The following HIBADH variants were observed in gnomAD, a reference collection of about 807,000 sequenced individuals.
HIBADH encodes the protein 3-hydroxyisobutyrate dehydrogenase.
A neutral mutation model predicts 36.1 loss-of-function variants in HIBADH; 25 were observed. That is an observed-to-expected ratio of 0.69 (90% CI 0.50 to 0.97). The LOEUF is 0.97. Ranked by LOEUF, HIBADH falls within the 50% of genes least tolerant of loss-of-function variation. The pLI is 0.00. For missense variants in HIBADH, 421 were observed against 418.0 expected (o/e 1.01, Z -0.06); for synonymous variants, 160 against 149.5 (o/e 1.07, Z -0.51).
At chr7:27,562,047 A>T (rs959138657) in intron 4 of HIBADH, among the ~76,000 whole-genome samples, 1 of 152,106 alleles carries the variant, frequency 6.6e-6, no homozygotes, top group Admixed American at 6.5e-5. Context: ...AGTTTTCAAA[A>T]ATCCAACATG....
chr7:27,526,454 A>G, intron 7 of HIBADH, 82 bp from the exon 8 acceptor site: 1 of 1,080,780 alleles, frequency 9.3e-7, no homozygotes, highest in South Asian at 2.6e-5. Flanking sequence ...TTTTGGTTTG[A>G]AAGAAGGAAA....
At chr7:27,568,888 G>A (rs1784585587) in intron 4 of HIBADH, among the ~76,000 whole-genome samples, 1 of 150,872 alleles carries the variant, frequency 6.6e-6, no homozygotes, top group Non-Finnish European at 1.5e-5. Flanking sequence ...CACTAAACTT[G>A]GGAAGCTTTC....
chr7:27,607,062 C>T (rs904684962), intron 4 of HIBADH, among the ~76,000 whole-genome samples: 20 of 152,118 alleles, frequency 1.3e-4, no homozygotes, highest in Non-Finnish European at 2.9e-4. Flanking sequence ...TCCAGTGTTG[C>T]TCTATTTCCT....
At chr7:27,616,458 G>GT (rs1033612120) in intron 4 of HIBADH, among the ~76,000 whole-genome samples, 14 of 151,836 alleles carry the variant, frequency 9.2e-5, no homozygotes, top group African/African-American at 1.2e-4. Flanking sequence ...TGTCTTCGTT[G>GT]TTTTTTTTGT....
chr7:27,603,994 G>A (rs1785175714), intron 4 of HIBADH, among the ~76,000 whole-genome samples: 1 of 151,934 alleles, frequency 6.6e-6, no homozygotes, highest in Admixed American at 6.6e-5. Context: ...AGATCATTTA[G>A]GCCAGTGGTA....
At chr7:27,606,274 T>C (rs1392141650) in intron 4 of HIBADH, among the ~76,000 whole-genome samples, 1 of 152,208 alleles carries the variant, frequency 6.6e-6, no homozygotes, top group South Asian at 2.1e-4. Flanking sequence ...TGACCTTTTA[T>C]GACCATCAAG....
At chr7:27,531,609 T>C (rs1784002740) in intron 6 of HIBADH, among the ~76,000 whole-genome samples, 1 of 152,164 alleles carries the variant, frequency 6.6e-6, no homozygotes, top group Admixed American at 6.5e-5. Flanking sequence ...TAAGAAAAAA[T>C]AATATACAAT....
At chr7:27,546,630 A>G (rs966468012) in intron 4 of HIBADH, among the ~76,000 whole-genome samples, 16 of 152,216 alleles carry the variant, frequency 1.1e-4, no homozygotes, top group Non-Finnish European at 2.2e-4. Context: ...CACTATGTTA[A>G]GATGACATCA....
intron 4 of HIBADH, among the ~76,000 whole-genome samples, chr7:27,603,930 C>G (rs1278480172): frequency 6.6e-6 from 1 of 152,078 alleles, no homozygotes; most frequent in African/African-American, 2.4e-5. Context: ...GTAGTACTTT[C>G]TCTCCCCTTT....
At chr7:27,560,657 T>C (rs1238370305) in intron 4 of HIBADH, among the ~76,000 whole-genome samples, 2 of 152,238 alleles carry the variant, frequency 1.3e-5, no homozygotes, top group Non-Finnish European at 2.9e-5. Context: ...TTTTGTTCTT[T>C]AACCTTGAGA....
intron 2 of HIBADH, among the ~76,000 whole-genome samples, chr7:27,640,346 C>A: frequency 6.6e-6 from 1 of 152,108 alleles, no homozygotes; most frequent in Non-Finnish European, 1.5e-5. Context: ...GCCTGGGCAA[C>A]AAAGCAAAAC....
intron 4 of HIBADH, among the ~76,000 whole-genome samples, chr7:27,599,459 G>A (rs1417384393): frequency 6.6e-6 from 1 of 151,970 alleles, no homozygotes; most frequent in Non-Finnish European, 1.5e-5. Context: ...GAGGCGGGCT[G>A]ATCACGAGGT....
intron 2 of HIBADH, among the ~76,000 whole-genome samples, chr7:27,641,506 A>C (rs1389987851): frequency 1.3e-5 from 2 of 152,230 alleles, no homozygotes; most frequent in South Asian, 4.1e-4. Flanking sequence ...AAAAAGTTTC[A>C]GAGTTTCACA....
chr7:27,658,472 T>G (rs1240980198), intron 1 of HIBADH, among the ~76,000 whole-genome samples: 1 of 152,206 alleles, frequency 6.6e-6, no homozygotes, highest in Non-Finnish European at 1.5e-5. Flanking sequence ...CTTTCTCCAA[T>G]GTAACAAGGG....
intron 4 of HIBADH, among the ~76,000 whole-genome samples, chr7:27,608,647 G>A (rs887383161): frequency 1.3e-5 from 2 of 152,048 alleles, no homozygotes; most frequent in Non-Finnish European, 2.9e-5. Flanking sequence ...ACAAAATGAA[G>A]ACATATAATA....
At chr7:27,646,492 C>T (rs1038043119) in intron 2 of HIBADH, among the ~76,000 whole-genome samples, 1 of 152,000 alleles carries the variant, frequency 6.6e-6, no homozygotes, top group African/African-American at 2.4e-5. Context: ...GTACCAAATC[C>T]TATACAGACT....
intron 4 of HIBADH, among the ~76,000 whole-genome samples, chr7:27,569,713 T>C (rs572342737): frequency 1.2e-4 from 19 of 152,166 alleles, no homozygotes; most frequent in African/African-American, 4.6e-4. Context: ...GAAAGTCTTG[T>C]ACTTCCTGCA....
At chr7:27,631,756 GCTCAAGCAGTACATCCTACTA>G (rs1204178074) in intron 3 of HIBADH, among the ~76,000 whole-genome samples, 4 of 152,166 alleles carry the variant, frequency 2.6e-5, no homozygotes, top group South Asian at 2.1e-4. Context: ...ACATCCTACT[GCTCAAGCAGTACATCCTACTA>G]CTCAAGGTCA....
intron 2 of HIBADH, among the ~76,000 whole-genome samples, chr7:27,639,717 C>A (rs1024967815): frequency 3.3e-5 from 5 of 151,472 alleles, no homozygotes. Context: ...AAACTTCCCT[C>A]TGATTTTGTT....
Sources: allele counts gnomAD v4.1 joint callset (sites outside exome capture counted in the v4.1 genomes callset), GRCh38; gene constraint gnomAD v4.1.1; transcripts MANE v1.5; gene names NCBI Gene and HGNC (gene_info 2026-07-23, HGNC 2026-07-21).